OR3A2: variants seen among roughly 807,000 people sequenced by gnomAD.
OR3A2 encodes the protein olfactory receptor 3A2.
For missense variants in OR3A2, 318 were observed against 392.8 expected (o/e 0.81, Z 1.61); for synonymous variants, 126 against 159.3 (o/e 0.79, Z 1.57).
intron 2 of OR3A2, among the ~76,000 whole-genome samples, chr17:3,338,018 ATGGC>A (rs1395409506): frequency 6.6e-6 from 1 of 152,158 alleles, no homozygotes; most frequent in Non-Finnish European, 1.5e-5. Flanking sequence ...CATTTCTCTG[ATGGC>A]CAGTGATGAT....
intron 2 of OR3A2, among the ~76,000 whole-genome samples, chr17:3,366,899 T>C (rs1381726920): frequency 6.6e-6 from 1 of 152,174 alleles, no homozygotes; most frequent in Admixed American, 6.5e-5. Flanking sequence ...CCAGCCAATG[T>C]TCCTTGTCAT....
At chr17:3,323,182 T>C (rs1597339496) in intron 3 of OR3A2, among the ~76,000 whole-genome samples, 1 of 152,286 alleles carries the variant, frequency 6.6e-6, no homozygotes, top group East Asian at 1.9e-4. Context: ...GAGACTAGAA[T>C]TGCAACCCCT....
intron 2 of OR3A2, among the ~76,000 whole-genome samples, chr17:3,362,553 T>A (rs1430760481): frequency 6.6e-6 from 1 of 151,750 alleles, no homozygotes; most frequent in Non-Finnish European, 1.5e-5. Flanking sequence ...TTGTGGGCAT[T>A]TAGTGCTATA....
At chr17:3,352,105 AT>A (rs1597354565) in intron 2 of OR3A2, among the ~76,000 whole-genome samples, 1 of 151,898 alleles carries the variant, frequency 6.6e-6, no homozygotes, top group Admixed American at 6.6e-5. Context: ...TCAGGATTAG[AT>A]TTTTTTCCTA....
At chr17:3,310,096 T>G (rs1230158617) in intron 3 of OR3A2, 1 of 326,474 alleles carries the variant, frequency 3.1e-6, no homozygotes, top group Non-Finnish European at 6.1e-6. Context: ...AATGCCACTC[T>G]TGTTACCCAT....
chr17:3,364,334 A>G (rs1043682664), intron 2 of OR3A2, among the ~76,000 whole-genome samples: 6 of 152,236 alleles, frequency 3.9e-5, no homozygotes, highest in African/African-American at 1.4e-4. Flanking sequence ...TCCAATATTT[A>G]TCATTTCTTT....
intron 3 of OR3A2, among the ~76,000 whole-genome samples, chr17:3,326,707 C>A (rs2049177930): frequency 8.8e-6 from 1 of 113,208 alleles, no homozygotes; most frequent in Non-Finnish European, 1.7e-5. Flanking sequence ...TCCCCCCTCC[C>A]CCCACTCCAC....
At chr17:3,351,262 T>G (rs966990423) in intron 2 of OR3A2, among the ~76,000 whole-genome samples, 1 of 100,164 alleles carries the variant, frequency 1.0e-5, no homozygotes, top group Non-Finnish European at 2.1e-5. Context: ...GCAGACAACA[T>G]CATTGTATAT....
chr17:3,303,756 T>A (rs1332821689), intron 3 of OR3A2, among the ~76,000 whole-genome samples: 3 of 62,672 alleles, frequency 4.8e-5, no homozygotes, highest in African/African-American at 5.1e-5. Context: ...AAAAAAAAAT[T>A]AGCCAGGTGC....
At chr17:3,290,177 G>A (rs1394029991) in intron 3 of OR3A2, among the ~76,000 whole-genome samples, 1 of 152,132 alleles carries the variant, frequency 6.6e-6, no homozygotes, top group African/African-American at 2.4e-5. Context: ...GGACTACAAT[G>A]ATGGCATCAG....
chr17:3,308,133 A>T (rs1167576050), intron 3 of OR3A2, among the ~76,000 whole-genome samples: 1 of 152,248 alleles, frequency 6.6e-6, no homozygotes, highest in African/African-American at 2.4e-5. Flanking sequence ...CAAGTCCATA[A>T]CATTTTAAAA....
At chr17:3,309,681 C>T (rs957901367) in intron 3 of OR3A2, among the ~76,000 whole-genome samples, 27 of 152,166 alleles carry the variant, frequency 1.8e-4, no homozygotes, top group African/African-American at 6.0e-4. Context: ...AGCTATGGAG[C>T]TGGAAATGTC....
chr17:3,283,789 C>T lies in OR3A2; in HGVS notation c.-7+569G>A, dbSNP rs189229654. Reference sequence around the variant, plus strand: ...AATACGGCCCTTAGGAGGGGCCACACCTTACAGACAAGTAAGTCATGGTCA... The same window carrying T: ...AATACGGCCCTTAGGAGGGGCCACATCTTACAGACAAGTAAGTCATGGTCA... On this transcript the variant is annotated intron_variant, in intron 1 of 1. Coordinates refer to ENST00000642052, the Ensembl canonical transcript of OR3A2. Among the ~76,000 whole-genome samples the T allele has an allele frequency of 2.5e-3, 380 of 151,880 alleles. 1 individual carries two copies. The highest frequency in any genetic ancestry group is 4.4e-3 in the Non-Finnish European group (300 of 67,962).
At position 3,279,163 on chromosome 17, in the gene OR3A2, C is replaced by T. The variant is rs1310009386; in HGVS notation, c.-6-240G>A. The T allele has an allele frequency of 3.1e-6, 2 of 638,658 alleles. No homozygotes were observed. The highest frequency in any genetic ancestry group is 5.4e-6 in the Non-Finnish European group (2 of 372,214). The allele number at this position is 638,658 out of a possible 1,614,324, so 39.6% of individuals were successfully genotyped here. A position where few individuals can be genotyped will look rare whatever the true frequency, so the allele number is the denominator to read the frequency against. On this transcript the variant is annotated intron_variant, in intron 1 of 1. Coordinates refer to ENST00000642052, the Ensembl canonical transcript of OR3A2. ...GAAAAGGTCAGAATACCTGGAACAA[C>T]ATGAGAACTATAGTTAATAAAGTGT...
chr17:3,284,435 G>A (rs571490245), upstream of OR3A2: 161 of 151,800 alleles, frequency 1.1e-3, no homozygotes, highest in Non-Finnish European at 1.9e-3. Context: ...TTATCCTCCC[G>A]GAGAGCGAGT....
At chr17:3,309,612 A>T (rs1472714923) in intron 3 of OR3A2, among the ~76,000 whole-genome samples, 1 of 152,200 alleles carries the variant, frequency 6.6e-6, no homozygotes, top group Non-Finnish European at 1.5e-5. Context: ...CCCAGACTCT[A>T]TACGGAGAAA....
intron 2 of OR3A2, among the ~76,000 whole-genome samples, chr17:3,337,948 CT>C (rs2049285378): frequency 6.6e-6 from 1 of 152,270 alleles, no homozygotes; most frequent in South Asian, 2.1e-4. Context: ...TGTTTCCTAA[CT>C]TTTTAATGAT....
chr17:3,371,295 GCTC>G (rs1048272625), intron 2 of OR3A2, among the ~76,000 whole-genome samples: 3 of 147,076 alleles, frequency 2.0e-5, no homozygotes, highest in Non-Finnish European at 4.5e-5. Context: ...GGGCAGAGGG[GCTC>G]CTCACTTCCC....
chr17:3,321,556 C>G (rs1298801737), intron 3 of OR3A2, among the ~76,000 whole-genome samples: 2 of 152,126 alleles, frequency 1.3e-5, no homozygotes, highest in Non-Finnish European at 2.9e-5. Flanking sequence ...TACATCCTAT[C>G]AATACCTAAT....
Sources: gnomAD v4.1 joint callset for allele counts (sites outside exome capture counted in the v4.1 genomes callset) on GRCh38, gnomAD v4.1.1 for gene constraint, MANE v1.5 for transcripts, NCBI Gene and HGNC (gene_info 2026-07-23, HGNC 2026-07-21) for gene names.